ARHGAP22: variants seen among roughly 807,000 people sequenced by gnomAD.
ARHGAP22 encodes the protein rho GTPase-activating protein 22.
Under a neutral mutation model 59.1 loss-of-function variants are expected in ARHGAP22, and 48 were observed. The observed-to-expected ratio is 0.81, with a 90% CI of 0.64 to 1.03. The LOEUF is 1.03. ARHGAP22 is among the 50% of genes least tolerant of loss of function. The pLI is 0.00. For synonymous variants in ARHGAP22, 445 were observed against 416.4 expected (o/e 1.07, Z -0.84); for missense variants, 1,015 against 958.7 (o/e 1.06, Z -0.78).
chr10:48,475,610 C>G (rs978580129), intron 4 of ARHGAP22, among the ~76,000 whole-genome samples: 12 of 152,238 alleles, frequency 7.9e-5, no homozygotes, highest in Admixed American at 7.2e-4. Context: ...TCATACACCT[C>G]TCATCCATCT....
At chr10:48,568,473 T>A (rs2058189130) in intron 2 of ARHGAP22, among the ~76,000 whole-genome samples, 1 of 152,232 alleles carries the variant, frequency 6.6e-6, no homozygotes. Flanking sequence ...ATGAGCTGAA[T>A]CCCTCTGGCT....
At chr10:48,631,150 A>C (rs985157626) in intron 1 of ARHGAP22, among the ~76,000 whole-genome samples, 1 of 152,252 alleles carries the variant, frequency 6.6e-6, no homozygotes, top group Non-Finnish European at 1.5e-5. Context: ...TATCTGGAAT[A>C]AACTCCACTT....
chr10:48,583,187 G>A (rs1317846819), intron 1 of ARHGAP22, 35 bp from the exon 2 acceptor site: 21 of 1,596,260 alleles, frequency 1.3e-5, no homozygotes, highest in Non-Finnish European at 1.7e-5. Flanking sequence ...GAGCATGAAG[G>A]CAGCGTGCCT....
At chr10:48,633,632 G>C (rs1589254870) in intron 1 of ARHGAP22, among the ~76,000 whole-genome samples, 1 of 152,154 alleles carries the variant, frequency 6.6e-6, no homozygotes, top group African/African-American at 2.4e-5. Flanking sequence ...GAGTAAGCAG[G>C]TGGTAGAACC....
intron 1 of ARHGAP22, among the ~76,000 whole-genome samples, chr10:48,583,655 A>G (rs1012129154): frequency 7.2e-5 from 11 of 152,232 alleles, no homozygotes; most frequent in Admixed American, 3.3e-4. Flanking sequence ...TGGAGCTCAC[A>G]GTCTAGCAGG....
At chr10:48,555,659 A>G (rs1297913842) in intron 2 of ARHGAP22, 109 bp from the exon 3 acceptor site, 1 of 1,032,812 alleles carries the variant, frequency 9.7e-7, no homozygotes, top group African/African-American at 1.6e-5. Flanking sequence ...CCTCCAGGCC[A>G]TGGCTGGGAA....
Position 48,568,317 on chromosome 10 carries a change from C to T in ARHGAP22, c.235-12767G>A, listed in dbSNP as rs547137789. ...TTGTGGACCCCATGCCCATTCCTGG[C>T]TGAATGACATGTCCTGGGCAGCATG... On this transcript the variant is annotated intron_variant, in intron 2 of 9. Coordinates refer to ENST00000249601, the MANE Select transcript of ARHGAP22 (RefSeq NM_021226.4). Among the ~76,000 whole-genome samples, 3 of 152,306 alleles carry T rather than the reference C, an allele frequency of 2.0e-5. No individual in the cohort carries two copies. The South Asian group carries it at 6.2e-4, about 32-fold the overall frequency.
chr10:48,595,106 C>T (rs962155623), intron 1 of ARHGAP22, among the ~76,000 whole-genome samples: 18 of 152,256 alleles, frequency 1.2e-4, no homozygotes, highest in African/African-American at 3.4e-4. Flanking sequence ...GGCACCCTGC[C>T]GTGGGCCAGG....
At chr10:48,615,772 A>G (rs2061056601) in intron 1 of ARHGAP22, among the ~76,000 whole-genome samples, 1 of 152,194 alleles carries the variant, frequency 6.6e-6, no homozygotes, top group Admixed American at 6.5e-5. Context: ...TGTATCATCA[A>G]GTACTGAACT....
At chr10:48,599,904 T>A (rs908056212) in intron 1 of ARHGAP22, among the ~76,000 whole-genome samples, 2 of 152,154 alleles carry the variant, frequency 1.3e-5, no homozygotes, top group African/African-American at 4.8e-5. Context: ...ATCTGACAGC[T>A]TTGTATTGCT....
chr10:48,593,974 AT>A (rs1322346231), intron 1 of ARHGAP22, among the ~76,000 whole-genome samples: 1 of 152,228 alleles, frequency 6.6e-6, no homozygotes, highest in Non-Finnish European at 1.5e-5. Context: ...AAGGGAATGA[AT>A]TTTTTTATTA....
intron 4 of ARHGAP22, among the ~76,000 whole-genome samples, chr10:48,461,882 G>A (rs1331265542): frequency 6.6e-6 from 1 of 152,164 alleles, no homozygotes; most frequent in African/African-American, 2.4e-5. Context: ...AGCTAAAAGT[G>A]GGGCTCCATT....
At position 48,459,894 on chromosome 10, in the gene ARHGAP22, G is replaced by C; in HGVS notation, c.452-3C>G. 6.2e-7 allele frequency: 1 copy of C among 1,611,136 alleles called. No homozygotes were observed. On this transcript the variant is annotated splice_polypyrimidine_tract_variant and splice_region_variant and intron_variant, in intron 4 of 9. Transcript: ENST00000249601. ...CTCTAGGCGCTGCCCAAAGATCCCT[G>C]AGCACAGAGAGGAGCTAGTCACACC...
intron 3 of ARHGAP22, among the ~76,000 whole-genome samples, chr10:48,540,187 G>T (rs2055794566): frequency 6.6e-6 from 1 of 152,178 alleles, no homozygotes; most frequent in Non-Finnish European, 1.5e-5. Flanking sequence ...TTGCTTTTGA[G>T]TTTATTATGT....
At chr10:48,562,750 C>T (rs2057770258) in intron 2 of ARHGAP22, among the ~76,000 whole-genome samples, 1 of 152,124 alleles carries the variant, frequency 6.6e-6, no homozygotes, top group African/African-American at 2.4e-5. Flanking sequence ...TTAAGACTTA[C>T]CAAACTGTGC....
intron 2 of ARHGAP22, among the ~76,000 whole-genome samples, chr10:48,577,076 ACTC>A (rs915583199): frequency 6.6e-6 from 1 of 150,742 alleles, no homozygotes; most frequent in African/African-American, 2.5e-5. Flanking sequence ...TTTTTCTAAA[ACTC>A]CTTCTATTCG....
intron 3 of ARHGAP22, among the ~76,000 whole-genome samples, chr10:48,482,062 T>C (rs2049378345): frequency 6.6e-6 from 1 of 152,240 alleles, no homozygotes; most frequent in Admixed American, 6.5e-5. Context: ...GTCTCTCTCT[T>C]TTTTCATTCT....
At chr10:48,431,519 G>T in the ARHGAP22 span, among the ~76,000 whole-genome samples, 1 of 152,206 alleles carries the variant, frequency 6.6e-6, no homozygotes, top group South Asian at 2.1e-4. Flanking sequence ...AAAACTTTTT[G>T]TTGGCATTGT....
intron 2 of ARHGAP22, among the ~76,000 whole-genome samples, chr10:48,557,383 A>T (rs1219505257): frequency 3.9e-5 from 6 of 152,172 alleles, no homozygotes; most frequent in Non-Finnish European, 8.8e-5. Context: ...TTTCTACTAT[A>T]GCTAAATGGA....
Sources: gnomAD v4.1 joint callset for allele counts (sites outside exome capture counted in the v4.1 genomes callset) on GRCh38, gnomAD v4.1.1 for gene constraint, MANE v1.5 for transcripts, NCBI Gene and HGNC (gene_info 2026-07-23, HGNC 2026-07-21) for gene names.